DYNC2I1: variants seen among roughly 807,000 people sequenced by gnomAD.
The protein encoded by DYNC2I1 is dynein 2 intermediate chain 1, also known as cytoplasmic dynein 2 intermediate chain 1.
Under a neutral mutation model 133.4 loss-of-function variants are expected in DYNC2I1, and 89 were observed. That is an observed-to-expected ratio of 0.67 (90% confidence interval 0.56 to 0.80). The LOEUF (loss-of-function observed/expected upper bound fraction) is 0.80, where lower values mean the gene tolerates loss of function less well. Among genes scored for constraint, DYNC2I1 ranks in the 30% least tolerant of loss-of-function variants. The pLI is 0.00. For missense variants in DYNC2I1, 1,291 were observed against 1,314.5 expected, an observed-to-expected ratio of 0.98 and a Z score of 0.28; for synonymous variants, 504 against 484.3, an observed-to-expected ratio of 1.04 and a Z score of -0.54.
At chr7:158,882,368 G>A (rs1844120932) in intron 5 of DYNC2I1, among the ~76,000 whole-genome samples, 1 of 152,034 alleles carries the variant, frequency 6.6e-6, no homozygotes, top group African/African-American at 2.4e-5. Flanking sequence ...AGGATCTGTT[G>A]AGCCCAGGAG....
intron 1 of DYNC2I1, among the ~76,000 whole-genome samples, chr7:158,862,663 T>C (rs1412389001): frequency 6.6e-6 from 1 of 151,742 alleles, no homozygotes; most frequent in Non-Finnish European, 1.5e-5. Flanking sequence ...AAGGCTGTAG[T>C]GAGCTATGAT....
chr7:158,840,054 A>G, the DYNC2I1 span, among the ~76,000 whole-genome samples: 2 of 152,122 alleles, frequency 1.3e-5, no homozygotes, highest in Non-Finnish European at 2.9e-5. Context: ...GGCTCAAGCA[A>G]TCCTCCTGCC....
chr7:158,917,065 C>G (rs12698302), intron 14 of DYNC2I1, among the ~76,000 whole-genome samples: 212 of 10,312 alleles, frequency 0.021, 5 homozygotes, highest in East Asian at 0.098. Context: ...CGCTGGTTGA[C>G]ATTAAGGATG....
At position 158,899,076 on chromosome 7, in the gene DYNC2I1, G is replaced by A. The variant is rs182984461; in HGVS notation, c.1060-2663G>A. On this transcript the variant is annotated intron_variant, in intron 8 of 24. Coordinates refer to ENST00000407559, the MANE Select transcript of DYNC2I1 (RefSeq NM_018051.5). ...CCTGTGGATACTAAAATCTGCAAAC[G>A]CTCAAGTTCCTTAAGTAAAATGGCA... 1.0e-3 allele frequency among the ~76,000 whole-genome samples: 159 copies of A among 152,210 alleles called. 1 individual carries two copies. Among genetic ancestry groups the A allele is most frequent in the African/African-American group, 3.6e-3 (151 of 41,526 alleles).
intron 1 of DYNC2I1, among the ~76,000 whole-genome samples, chr7:158,858,853 C>T (rs1347705054): frequency 1.4e-5 from 1 of 69,442 alleles, no homozygotes; most frequent in Admixed American, 1.7e-4. Flanking sequence ...CCCTCCCTTC[C>T]TCTCCCCTCC....
intron 14 of DYNC2I1, among the ~76,000 whole-genome samples, chr7:158,914,734 C>CTG (rs1358316454): frequency 4.6e-5 from 7 of 152,146 alleles, no homozygotes; most frequent in African/African-American, 1.7e-4. Context: ...TGGAACAGTC[C>CTG]TGTGAAGCTA....
At chr7:158,870,516 C>G (rs986663293) in intron 2 of DYNC2I1, among the ~76,000 whole-genome samples, 1 of 147,780 alleles carries the variant, frequency 6.8e-6, no homozygotes, top group Non-Finnish European at 1.5e-5. Context: ...ACCAGGCTTG[C>G]TAATTTTTTA....
the DYNC2I1 span, among the ~76,000 whole-genome samples, chr7:158,844,905 G>A: frequency 6.6e-6 from 1 of 152,182 alleles, no homozygotes; most frequent in East Asian, 1.9e-4. Context: ...GCAGGCGTGA[G>A]CCACTGTGCC....
intron 3 of DYNC2I1, among the ~76,000 whole-genome samples, chr7:158,874,397 A>G (rs1429916388): frequency 6.6e-6 from 1 of 152,088 alleles, no homozygotes; most frequent in Admixed American, 6.6e-5. Context: ...TTTTAACAGT[A>G]GCTGTCCTAC....
chr7:158,949,326 C>G (rs1040649358), downstream of DYNC2I1, among the ~76,000 whole-genome samples: 1 of 152,232 alleles, frequency 6.6e-6, no homozygotes, highest in African/African-American at 2.4e-5. Context: ...ATCTGAGAGA[C>G]AGTGAAGCCT....
intron 23 of DYNC2I1, among the ~76,000 whole-genome samples, chr7:158,937,740 C>T (rs988939353): frequency 1.3e-5 from 2 of 151,668 alleles, no homozygotes; most frequent in East Asian, 3.9e-4. Flanking sequence ...GAGACCCTAT[C>T]TCTACAAAAA....
At chr7:158,878,759 C>T (rs1334695848) in intron 4 of DYNC2I1, among the ~76,000 whole-genome samples, 1 of 135,560 alleles carries the variant, frequency 7.4e-6, no homozygotes, top group African/African-American at 2.8e-5. Flanking sequence ...TGTGGGGAGG[C>T]GAGGAGGGGA....
At chr7:158,905,241 A>G in intron 10 of DYNC2I1, 1 of 360,794 alleles carries the variant, frequency 2.8e-6, no homozygotes, top group Non-Finnish European at 5.3e-6. Flanking sequence ...CCTGGATTCA[A>G]GCGATTCTTC....
intron 1 of DYNC2I1, among the ~76,000 whole-genome samples, chr7:158,869,044 C>T (rs1192634623): frequency 1.3e-5 from 2 of 152,230 alleles, no homozygotes; most frequent in Non-Finnish European, 2.9e-5. Context: ...GAGCTCACAG[C>T]AGCAGGCTTA....
At chr7:158,902,888 C>T (rs1846383979) in intron 10 of DYNC2I1, 3 of 345,144 alleles carry the variant, frequency 8.7e-6, no homozygotes, top group Non-Finnish European at 1.6e-5. Context: ...AGCACTGATG[C>T]TCCTGTTCTC....
intron 4 of DYNC2I1, among the ~76,000 whole-genome samples, chr7:158,878,046 G>A (rs1406614432): frequency 6.6e-6 from 1 of 151,560 alleles, no homozygotes; most frequent in Non-Finnish European, 1.5e-5. Flanking sequence ...CAGGAGGGCC[G>A]ACTGTGAGTG....
chr7:158,862,070 C>T (rs1372527942), intron 1 of DYNC2I1, among the ~76,000 whole-genome samples: 4 of 152,168 alleles, frequency 2.6e-5, no homozygotes, highest in South Asian at 2.1e-4. Context: ...TCTTAGCGTG[C>T]GCCCTAGTTT....
At chr7:158,882,216 A>G (rs1396104558) in intron 5 of DYNC2I1, among the ~76,000 whole-genome samples, 1 of 152,170 alleles carries the variant, frequency 6.6e-6, no homozygotes, top group Non-Finnish European at 1.5e-5. Flanking sequence ...TGTGAACAAA[A>G]CAAAAATTAC....
At chr7:158,887,610 A>G (rs1268767873) in intron 7 of DYNC2I1, among the ~76,000 whole-genome samples, 3 of 152,242 alleles carry the variant, frequency 2.0e-5, no homozygotes, top group Non-Finnish European at 4.4e-5. Context: ...ATTCCTAGAG[A>G]CTATCAGTTA....
Sources: gnomAD v4.1 joint callset for allele counts (sites outside exome capture counted in the v4.1 genomes callset) on GRCh38, gnomAD v4.1.1 for gene constraint, MANE v1.5 for transcripts, NCBI Gene and HGNC (gene_info 2026-07-23, HGNC 2026-07-21) for gene names.